TEAD1: variants seen among roughly 807,000 people sequenced by gnomAD.
TEAD1 encodes the protein TEA domain transcription factor 1.
TEAD1 carries 9 observed loss-of-function variants against 54.9 expected under a neutral mutation model. That is an observed-to-expected ratio of 0.16 (90% CI 0.10 to 0.29). The LOEUF is 0.29. Ranked by LOEUF, TEAD1 falls within the 10% of genes least tolerant of loss-of-function variation. The pLI is 1.00. For synonymous variants in TEAD1, 200 were observed against 187.8 expected, an observed-to-expected ratio of 1.07 and a Z score of -0.53; for missense variants, 387 against 535.9, an observed-to-expected ratio of 0.72 and a Z score of 2.74.
chr11:12,726,970 T>C (rs1371716071), intron 2 of TEAD1, among the ~76,000 whole-genome samples: 1 of 152,202 alleles, frequency 6.6e-6, no homozygotes, highest in Non-Finnish European at 1.5e-5. Flanking sequence ...CTGGGTGTGG[T>C]GGCTCACAAC....
chr11:12,753,743 T>C (rs1300312065), intron 2 of TEAD1, among the ~76,000 whole-genome samples: 1 of 152,162 alleles, frequency 6.6e-6, no homozygotes, highest in Non-Finnish European at 1.5e-5. Flanking sequence ...TGAGTTGTGA[T>C]TTGGTCCAGT....
chr11:12,935,939 T>C (rs749225122), intron 12 of TEAD1, among the ~76,000 whole-genome samples: 3 of 152,166 alleles, frequency 2.0e-5, no homozygotes, highest in Non-Finnish European at 2.9e-5. Flanking sequence ...TGAGATGTAC[T>C]GCAAGACTAT....
chr11:12,921,909 T>G (rs1948813559), intron 10 of TEAD1, among the ~76,000 whole-genome samples: 1 of 152,178 alleles, frequency 6.6e-6, no homozygotes, highest in African/African-American at 2.4e-5. Flanking sequence ...AACCTTTGAA[T>G]GTGAGAAAAA....
chr11:12,819,735 A>G (rs944820840), intron 3 of TEAD1, among the ~76,000 whole-genome samples: 11 of 151,810 alleles, frequency 7.2e-5, no homozygotes, highest in East Asian at 5.8e-4. Context: ...ACAGGCGTGA[A>G]CCACCAAGCC....
At chr11:12,825,182 A>T (rs34651525) in intron 3 of TEAD1, among the ~76,000 whole-genome samples, 39,643 of 152,072 alleles carry the variant, frequency 0.26, 5,544 homozygotes, top group South Asian at 0.41. Flanking sequence ...TCCTGTTAAG[A>T]TCTGAAGCCA....
chr11:12,882,267 A>G (rs946206925), intron 8 of TEAD1, among the ~76,000 whole-genome samples: 7 of 152,172 alleles, frequency 4.6e-5, no homozygotes, highest in African/African-American at 7.2e-5. Flanking sequence ...AAACTGGCCA[A>G]ATTAGGCAGT....
chr11:12,915,999 T>C (rs139379764), intron 10 of TEAD1, among the ~76,000 whole-genome samples: 6 of 152,296 alleles, frequency 3.9e-5, no homozygotes, highest in African/African-American at 1.2e-4. Flanking sequence ...TGGAAACTTT[T>C]GATGGGGTGT....
At chr11:12,721,392 A>G (rs1009013480) in intron 2 of TEAD1, among the ~76,000 whole-genome samples, 2 of 152,214 alleles carry the variant, frequency 1.3e-5, no homozygotes, top group African/African-American at 4.8e-5. Context: ...CAGTATCTCC[A>G]GTCCCTGTTC....
chr11:12,845,280 A>G (rs1947122875), intron 3 of TEAD1, among the ~76,000 whole-genome samples: 2 of 152,032 alleles, frequency 1.3e-5, no homozygotes, highest in African/African-American at 4.8e-5. Flanking sequence ...TTATATGAGG[A>G]AGTGGTGTCC....
chr11:12,798,865 G>A (rs987986011), intron 3 of TEAD1, among the ~76,000 whole-genome samples: 1 of 152,242 alleles, frequency 6.6e-6, no homozygotes, highest in African/African-American at 2.4e-5. Flanking sequence ...GAGGGAAGCA[G>A]TGCTGTTCTA....
intron 6 of TEAD1, among the ~76,000 whole-genome samples, chr11:12,880,364 AG>A (rs1222937088): frequency 1.3e-5 from 2 of 152,246 alleles, no homozygotes; most frequent in Non-Finnish European, 2.9e-5. Context: ...GCCATTTTGC[AG>A]ATGAAAAAGC....
chr11:12,722,086 A>C (rs532924123), intron 2 of TEAD1, among the ~76,000 whole-genome samples: 51 of 152,350 alleles, frequency 3.3e-4, no homozygotes, highest in South Asian at 6.2e-4. Context: ...TGTGAACCAC[A>C]CATGGATGAA....
intron 3 of TEAD1, among the ~76,000 whole-genome samples, chr11:12,847,038 C>A (rs1564962070): frequency 6.6e-6 from 1 of 152,172 alleles, no homozygotes; most frequent in Non-Finnish European, 1.5e-5. Flanking sequence ...AGCCCTGTTG[C>A]ATTCTTCTTT....
chr11:12,883,331 G>A (rs1282918467), intron 9 of TEAD1, among the ~76,000 whole-genome samples: 1 of 152,200 alleles, frequency 6.6e-6, no homozygotes, highest in Non-Finnish European at 1.5e-5. Flanking sequence ...AGAGCAGGAG[G>A]TGTATTACTG....
At chr11:12,821,636 G>T (rs1231569257) in intron 3 of TEAD1, among the ~76,000 whole-genome samples, 5 of 152,018 alleles carry the variant, frequency 3.3e-5, no homozygotes, top group Non-Finnish European at 7.4e-5. Context: ...ACTCTATAGT[G>T]TAGGAACATC....
chr11:12,854,740 T>C (rs1046977045), intron 3 of TEAD1, among the ~76,000 whole-genome samples: 1 of 149,570 alleles, frequency 6.7e-6, no homozygotes, highest in African/African-American at 2.5e-5. Context: ...CACAGGCAGG[T>C]GCTACCAAGC....
At chr11:12,775,494 C>T (rs993216936) in intron 3 of TEAD1, among the ~76,000 whole-genome samples, 1 of 152,126 alleles carries the variant, frequency 6.6e-6, no homozygotes, top group South Asian at 2.1e-4. Flanking sequence ...TACGTGAAAG[C>T]GTGTCTCTGA....
intron 6 of TEAD1, 38 bp downstream of exon 6, chr11:12,879,880 G>C: frequency 1.2e-6 from 2 of 1,611,024 alleles, no homozygotes; most frequent in African/African-American, 1.3e-5. Context: ...ACAGCTGCTG[G>C]GGTTGGGGTT....
chr11:12,709,456 A>T (rs1288107372), intron 2 of TEAD1, among the ~76,000 whole-genome samples: 2 of 151,818 alleles, frequency 1.3e-5, no homozygotes, highest in Non-Finnish European at 1.5e-5. Context: ...CTCAGGTTAC[A>T]CTTGAACTTC....
Sources: gnomAD v4.1 joint callset for allele counts (sites outside exome capture counted in the v4.1 genomes callset) on GRCh38, gnomAD v4.1.1 for gene constraint, MANE v1.5 for transcripts, NCBI Gene and HGNC (gene_info 2026-07-23, HGNC 2026-07-21) for gene names.